The following SMARCA2 variants were observed in gnomAD, a reference collection of about 807,000 sequenced individuals.
SMARCA2 encodes SWI/SNF related BAF chromatin remodeling complex subunit ATPase 2, also known as SWI/SNF-related matrix-associated actin-dependent regulator of chromatin subfamily A member 2.
Under a neutral mutation model 199.8 loss-of-function variants are expected in SMARCA2, and 61 were observed. The observed-to-expected ratio is 0.31, with a 90% CI of 0.25 to 0.38. The LOEUF is 0.38. SMARCA2 is among the 10% of genes least tolerant of loss of function. The pLI, the probability that SMARCA2 is intolerant of heterozygous loss-of-function variation, is 1.00. For synonymous variants in SMARCA2, 935 were observed against 732.0 expected (o/e 1.28, Z -4.48); for missense variants, 1,344 against 2,012.2 (o/e 0.67, Z 6.35).
intron 7 of SMARCA2, among the ~76,000 whole-genome samples, chr9:2,057,315 A>G (rs1333222402): frequency 6.6e-6 from 1 of 152,156 alleles, no homozygotes; most frequent in Non-Finnish European, 1.5e-5. Flanking sequence ...CTTCCTTTAT[A>G]AGGGCACTAA....
Position 2,039,751 on chromosome 9 carries a change from G to C in SMARCA2, c.641G>C (p.Gly214Ala). Residue 214 changes from glycine (G) to alanine (A), a missense_variant, in exon 4 of 34, where the codon GGC becomes GCC. Physicochemically the swap from Gly to Ala is moderately conservative, Grantham distance 60. Transcript: ENST00000349721. This position sits in a 1 kb window ranked among gnomAD's most constrained non-coding sequence, Gnocchi z 4.8. ...GTCCAGGGGAAAAGGACGTTGCCTG[G>C]CTTGCAGCAACAACAGCAGCAGCAA... ...LAVQGKRTLP[G>A]LQQQQQQQQQ... The C allele has an allele frequency of 6.2e-7, 1 of 1,613,366 alleles. No individual in the cohort carries two copies. Among genetic ancestry groups the C allele is most frequent in the East Asian group, 2.2e-5 (1 of 44,850 alleles).
At chr9:2,031,565 T>C (rs1326315970) in intron 2 of SMARCA2, among the ~76,000 whole-genome samples, 1 of 152,228 alleles carries the variant, frequency 6.6e-6, no homozygotes, top group Non-Finnish European at 1.5e-5. Context: ...TTCTCCTGGA[T>C]TGTTTTTATT....
At chr9:2,092,150 G>C (rs1316186309) in intron 19 of SMARCA2, among the ~76,000 whole-genome samples, 1 of 152,182 alleles carries the variant, frequency 6.6e-6, no homozygotes, top group Non-Finnish European at 1.5e-5. Context: ...AAGGTTGTCT[G>C]TGCTGACTCT....
intron 19 of SMARCA2, 106 bp from the exon 20 acceptor site, chr9:2,096,549 AAG>A (rs1822282082): frequency 2.7e-5 from 19 of 716,800 alleles, no homozygotes; most frequent in Admixed American, 4.2e-5. Flanking sequence ...AAGAAAGAGA[AAG>A]AGAGACACCT....
intron 29 of SMARCA2, 116 bp from the exon 30 acceptor site, chr9:2,181,455 A>C (rs952954906): frequency 1.1e-5 from 7 of 650,328 alleles, no homozygotes; most frequent in Non-Finnish European, 2.0e-5. Flanking sequence ...AAAAAGCTCC[A>C]TATCTATATG....
chr9:2,173,703 T>A (rs1056754424), intron 29 of SMARCA2, among the ~76,000 whole-genome samples: 1 of 152,114 alleles, frequency 6.6e-6, no homozygotes, highest in Admixed American at 6.5e-5. Context: ...GCCTTCCTAC[T>A]CCTTCTTGGA....
At chr9:2,122,193 A>C (rs368282079) in intron 26 of SMARCA2, among the ~76,000 whole-genome samples, 40 of 152,370 alleles carry the variant, frequency 2.6e-4, no homozygotes, top group African/African-American at 8.4e-4. Flanking sequence ...ATATATTAGC[A>C]AGAATAATGT....
Position 2,070,465 on chromosome 9 carries a change from T to C in SMARCA2, c.1740T>C (p.Asp580=), listed in dbSNP as rs1298701722. Residue 580 remains aspartate (D), a synonymous_variant, in exon 10 of 34, where the codon GAT becomes GAC. Transcript: ENST00000349721. ...GTGGGGAGTCTGCCCTGGGACCGGA[T>C]GGAGAGGTAAGGGATCGTCATCCTT... ...AEGGESALGP[D]GEPIDESSQM... The C allele has an allele frequency of 6.2e-7, 1 of 1,613,134 alleles. No homozygotes were observed. The highest frequency in any genetic ancestry group is 1.7e-5 in the Admixed American group (1 of 60,020).
chr9:2,091,274 C>T (rs1464397739), intron 19 of SMARCA2, among the ~76,000 whole-genome samples: 2 of 152,160 alleles, frequency 1.3e-5, no homozygotes, highest in Non-Finnish European at 2.9e-5. Context: ...TGAAACCCTC[C>T]CTCGGCTCGT....
intron 19 of SMARCA2, among the ~76,000 whole-genome samples, chr9:2,091,695 C>G (rs1822069281): frequency 6.6e-6 from 1 of 152,162 alleles, no homozygotes; most frequent in Non-Finnish European, 1.5e-5. Context: ...CTTAGACTGT[C>G]TGAAGCACTG....
intron 28 of SMARCA2, among the ~76,000 whole-genome samples, chr9:2,168,081 G>A (rs796813635): frequency 4.1e-4 from 62 of 149,970 alleles, no homozygotes; most frequent in African/African-American, 1.5e-3. Flanking sequence ...CCCAGCTGGA[G>A]TGCAGTGGCA....
At chr9:2,184,753 A>G (rs1236511154) in intron 31 of SMARCA2, among the ~76,000 whole-genome samples, 1 of 151,980 alleles carries the variant, frequency 6.6e-6, no homozygotes, top group African/African-American at 2.4e-5. Context: ...CCTTTCTAAA[A>G]AGCCCCTCAT....
At chr9:2,180,288 C>CTCTT (rs750611948) in intron 29 of SMARCA2, among the ~76,000 whole-genome samples, 2 of 152,206 alleles carry the variant, frequency 1.3e-5, no homozygotes, top group Non-Finnish European at 2.9e-5. Context: ...ACTAGCCCAT[C>CTCTT]TCTTTGACAG....
At chr9:2,146,520 G>C (rs1824755669) in intron 27 of SMARCA2, among the ~76,000 whole-genome samples, 1 of 152,158 alleles carries the variant, frequency 6.6e-6, no homozygotes. Flanking sequence ...TTGCTGAAAA[G>C]GGGTCCGGAT....
Position 2,145,227 on chromosome 9 carries a change from C to T in SMARCA2, c.3982-16459C>T, listed in dbSNP as rs184886177. On this transcript the variant is annotated intron_variant, in intron 27 of 33. Coordinates refer to ENST00000349721, the MANE Select transcript of SMARCA2 (RefSeq NM_003070.5). ...CTGAGGCAAGAGAATCATCCAAACTCGGGAGGCGGAGGTTGCAGTGAGCCG... is the reference window on the plus strand; with the variant it reads ...CTGAGGCAAGAGAATCATCCAAACTTGGGAGGCGGAGGTTGCAGTGAGCCG... Among the ~76,000 whole-genome samples, 1,181 of 149,702 alleles carry T rather than the reference C, an allele frequency of 7.9e-3. 9 individuals are homozygous for T. The highest frequency in any genetic ancestry group is 0.028 in the African/African-American group (1,128 of 40,984).
chr9:2,085,696 T>G (rs185482537), intron 17 of SMARCA2: 14 of 152,222 alleles, frequency 9.2e-5, no homozygotes, highest in Admixed American at 7.8e-4. Context: ...GCCTGACTGA[T>G]GATTTTATTC....
rs755448180 is a variant in SMARCA2, at chr9:2,161,650, T to G, written c.3982-36T>G. ...ACTTTTTTTGTCTTGGTTATTCTCT[T>G]GTCTTGAATTTGTCTCCTTTGTTTC... On this transcript the variant is annotated intron_variant, in intron 27 of 33. Coordinates refer to ENST00000349721, the MANE Select transcript of SMARCA2 (RefSeq NM_003070.5). This position sits in a 1 kb window ranked among gnomAD's most constrained non-coding sequence, Gnocchi z 4.7. 6 of 1,435,446 alleles carry G rather than the reference T, an allele frequency of 4.2e-6. No individual in the cohort carries two copies. The highest frequency in any genetic ancestry group is 5.9e-6 in the Non-Finnish European group (6 of 1,023,792). The allele number at this position is 1,435,446 out of a possible 1,614,324, so 88.9% of individuals were successfully genotyped here. A position where few individuals can be genotyped will look rare whatever the true frequency, so the allele number is the denominator to read the frequency against.
chr9:2,050,142 T>C (rs1342306886), intron 5 of SMARCA2, among the ~76,000 whole-genome samples: 4 of 152,208 alleles, frequency 2.6e-5, no homozygotes, highest in Non-Finnish European at 5.9e-5. Flanking sequence ...TTGACCTTCT[T>C]TTTCATTCAT....
chr9:2,029,114 C>T lies in SMARCA2; in HGVS notation c.92C>T (p.Pro31Leu), dbSNP rs868162385. The T allele has an allele frequency of 6.2e-6, 10 of 1,601,940 alleles. No homozygotes were observed. Among genetic ancestry groups the T allele is most frequent in the Non-Finnish European group, 8.5e-6 (10 of 1,173,230 alleles). ...PSPGPILGPS[P>L]GPGPSPGSVH... ...CCTGGGCCAATTCTTGGGCCTAGTC[C>T]AGGACCAGGACCATCCCCAGGTTCC... Residue 31 changes from proline to leucine, a missense_variant, in exon 2 of 34, where the codon CCA becomes CTA. Pro to Leu is a moderately conservative substitution (Grantham distance 98). Transcript: ENST00000349721.
Sources: gnomAD v4.1 joint callset for allele counts (sites outside exome capture counted in the v4.1 genomes callset) on GRCh38, gnomAD v4.1.1 for gene constraint, Gnocchi (gnomAD v3.1) non-coding constraint, MANE v1.5 for transcripts, NCBI Gene and HGNC (gene_info 2026-07-23, HGNC 2026-07-21) for gene names.